Variants in KCNH5 observed in about 807,000 individuals in gnomAD.
The protein encoded by KCNH5 is voltage-gated delayed rectifier potassium channel KCNH5.
In KCNH5, 46 loss-of-function variants were observed where a neutral mutation model predicts 96.1. The observed-to-expected ratio is 0.48, with a 90% CI of 0.38 to 0.61. The LOEUF (loss-of-function observed/expected upper bound fraction) is 0.61, where lower values mean the gene tolerates loss of function less well. KCNH5 is among the 20% of genes least tolerant of loss of function. The pLI is 0.00. For synonymous variants in KCNH5, 439 were observed against 449.8 expected (o/e 0.98, Z 0.30); for missense variants, 907 against 1,225.8 (o/e 0.74, Z 3.88).
At chr14:62,711,360 G>A (rs189765355) in intron 10 of KCNH5, among the ~76,000 whole-genome samples, 7 of 152,150 alleles carry the variant, frequency 4.6e-5, no homozygotes, top group African/African-American at 9.6e-5. Flanking sequence ...CCTATACTAG[G>A]GGACAAATGA....
chr14:62,893,854 C>T (rs1888758635), intron 7 of KCNH5, among the ~76,000 whole-genome samples: 1 of 152,212 alleles, frequency 6.6e-6, no homozygotes, highest in African/African-American at 2.4e-5. Context: ...AATCAAACAA[C>T]ATTGCATGCT....
chr14:62,967,054 C>T (rs1267158461), intron 6 of KCNH5, among the ~76,000 whole-genome samples: 1 of 152,130 alleles, frequency 6.6e-6, no homozygotes, highest in Non-Finnish European at 1.5e-5. Context: ...CAGCCTCATG[C>T]TCTACCTAAT....
At chr14:62,942,776 T>C (rs1889812401) in intron 7 of KCNH5, among the ~76,000 whole-genome samples, 1 of 152,212 alleles carries the variant, frequency 6.6e-6, no homozygotes, top group African/African-American at 2.4e-5. Flanking sequence ...CAGATTAGCA[T>C]CATTATGACA....
chr14:62,814,837 G>C (rs1886945140), intron 8 of KCNH5, among the ~76,000 whole-genome samples: 1 of 142,044 alleles, frequency 7.0e-6, no homozygotes, highest in Non-Finnish European at 1.5e-5. Context: ...TACGAAGTGG[G>C]AGTGAGGTGC....
At chr14:62,972,258 A>G (rs1418817755) in intron 6 of KCNH5, among the ~76,000 whole-genome samples, 1 of 152,234 alleles carries the variant, frequency 6.6e-6, no homozygotes, top group Admixed American at 6.5e-5. Context: ...CCATTTGTCA[A>G]TTGAAAATTT....
intron 9 of KCNH5, among the ~76,000 whole-genome samples, chr14:62,783,856 TACA>T (rs1328953437): frequency 7.9e-5 from 12 of 152,006 alleles, no homozygotes; most frequent in Non-Finnish European, 1.3e-4. Flanking sequence ...TGAATATGGT[TACA>T]ACTATAACAA....
chr14:62,959,386 A>T (rs1890164537), intron 6 of KCNH5, among the ~76,000 whole-genome samples: 1 of 152,158 alleles, frequency 6.6e-6, no homozygotes, highest in Non-Finnish European at 1.5e-5. Flanking sequence ...ATCACCCATT[A>T]TCACACCTGA....
intron 6 of KCNH5, among the ~76,000 whole-genome samples, chr14:62,954,440 C>G (rs909329689): frequency 6.6e-6 from 1 of 152,174 alleles, no homozygotes; most frequent in African/African-American, 2.4e-5. Context: ...AATTACAAAG[C>G]TGGCATATGG....
In KCNH5 at chr14:62,802,486, G is replaced by A. The variant is rs770496210; in HGVS notation, c.1665C>T (p.Ser555=). 9.9e-6 allele frequency: 16 copies of A among 1,614,012 alleles called. No homozygotes were observed. The highest frequency in any genetic ancestry group is 3.3e-5 in the South Asian group (3 of 91,090). ...CCGCCAAGGCGCGCAGACACCCATC[G>A]CTGGCCAATCGAAAAGCAGGATGTT... The part of the protein sequence containing the change: ...FNEHPAFRLA[S]DGCLRALAVE... Residue 555 remains serine (S), a synonymous_variant, in exon 9 of 11, where the codon AGC becomes AGT. Transcript: ENST00000322893.
At chr14:62,772,399 G>C (rs1413719315) in intron 10 of KCNH5, among the ~76,000 whole-genome samples, 2 of 152,068 alleles carry the variant, frequency 1.3e-5, no homozygotes, top group Admixed American at 1.3e-4. Flanking sequence ...AGTACTTCAA[G>C]AAGCTGAGAT....
intron 8 of KCNH5, among the ~76,000 whole-genome samples, chr14:62,830,460 G>A (rs2140026943): frequency 6.6e-6 from 1 of 152,284 alleles, no homozygotes; most frequent in Non-Finnish European, 1.5e-5. Context: ...TCTGCATGCT[G>A]AGGAGGCCTC....
chr14:63,040,457 T>G (rs1448095718), intron 1 of KCNH5, among the ~76,000 whole-genome samples: 2 of 152,140 alleles, frequency 1.3e-5, no homozygotes, highest in African/African-American at 2.4e-5. Context: ...CAGTATAATT[T>G]CAACCTCTTT....
At chr14:62,925,971 T>C (rs1889469031) in intron 7 of KCNH5, among the ~76,000 whole-genome samples, 1 of 152,144 alleles carries the variant, frequency 6.6e-6, no homozygotes, top group Non-Finnish European at 1.5e-5. Flanking sequence ...AAGGTATTCT[T>C]CTCACCATTA....
At chr14:62,769,518 T>C (rs1173827055) in intron 10 of KCNH5, among the ~76,000 whole-genome samples, 1 of 152,204 alleles carries the variant, frequency 6.6e-6, no homozygotes, top group South Asian at 2.1e-4. Flanking sequence ...GATATCAAAA[T>C]TGCTGTACTA....
rs74058708 is a variant in KCNH5 at position 62,815,925 on chromosome 14, C to T, written c.1570-13344G>A. ...AAGTAAAGGTAGTCAAAATAGGTCA[C>T]AGAGTAGTAAATGAAGTAAAGAATA... On this transcript the variant is annotated intron_variant, in intron 8 of 10. Coordinates refer to ENST00000322893, the MANE Select transcript of KCNH5 (RefSeq NM_139318.5). Among the ~76,000 whole-genome samples the T allele has an allele frequency of 7.5e-3, 1,132 of 151,792 alleles. 12 individuals are homozygous for T. Among genetic ancestry groups the T allele is most frequent in the African/African-American group, 0.026 (1,086 of 41,450 alleles).
chr14:62,972,355 G>A lies in KCNH5; in HGVS notation c.942+8517C>T, dbSNP rs182943691. Among the ~76,000 whole-genome samples the A allele has an allele frequency of 1.0e-3, 155 of 152,328 alleles. 1 individual carries two copies. The Middle Eastern group carries it at 0.027, about 27-fold the overall frequency. On this transcript the variant is annotated intron_variant, in intron 6 of 10. Transcript: ENST00000322893. ...CTCCAAAATACTAACACCGCCAAGT[G>A]TTGGCAAGGATGTGGAACAACAGAA...
At chr14:62,799,224 T>C (rs550827853) in intron 9 of KCNH5, among the ~76,000 whole-genome samples, 1 of 152,162 alleles carries the variant, frequency 6.6e-6, no homozygotes, top group South Asian at 2.1e-4. Flanking sequence ...ATAAAACGCA[T>C]GAATGATAAG....
At chr14:62,863,527 G>A (rs140825182) in intron 7 of KCNH5, among the ~76,000 whole-genome samples, 1 of 152,232 alleles carries the variant, frequency 6.6e-6, no homozygotes, top group Admixed American at 6.5e-5. Context: ...TATATTATAA[G>A]CCATAGTATA....
intron 7 of KCNH5, among the ~76,000 whole-genome samples, chr14:62,853,246 C>A (rs865961852): frequency 6.6e-6 from 1 of 151,868 alleles, no homozygotes; most frequent in Non-Finnish European, 1.5e-5. Flanking sequence ...TCTAAGAGTG[C>A]GTGTCTTTGG....
Sources: allele counts gnomAD v4.1 joint callset (sites outside exome capture counted in the v4.1 genomes callset), GRCh38; gene constraint gnomAD v4.1.1; transcripts MANE v1.5; gene names NCBI Gene and HGNC (gene_info 2026-07-23, HGNC 2026-07-21).